The following GPM6B variants were observed in gnomAD, a reference collection of about 807,000 sequenced individuals.
The protein encoded by GPM6B is glycoprotein M6B, also known as neuronal membrane glycoprotein M6-b.
Under a neutral mutation model 27.2 loss-of-function variants are expected in GPM6B, and 4 were observed. That is an observed-to-expected ratio of 0.15 (90% CI 0.07 to 0.34). GPM6B has a LOEUF of 0.34. Among genes scored for constraint, GPM6B ranks in the 10% least tolerant of loss-of-function variants. The pLI is 1.00. For synonymous variants in GPM6B, 124 were observed against 103.1 expected (o/e 1.20, Z -1.23); for missense variants, 183 against 261.9 (o/e 0.70, Z 2.08).
At chrX:13,889,149 A>G in intron 1 of GPM6B, 1 of 110,809 alleles carries the variant, frequency 9.0e-6, no homozygotes, top group Middle Eastern at 4.6e-3. Flanking sequence ...GGCCATTAAT[A>G]ATTATAAAAC....
At chrX:13,839,515 C>A (rs16979308) in intron 1 of GPM6B, among the ~76,000 whole-genome samples, 1 of 111,641 alleles carries the variant, frequency 9.0e-6, no homozygotes, top group South Asian at 3.8e-4. Context: ...TTCAGCGATA[C>A]ACCACACTGG....
At chrX:13,843,142 GCTTTCTCCATAAACTTTCTA>G (rs936928086) in intron 1 of GPM6B, among the ~76,000 whole-genome samples, 9 of 112,093 alleles carry the variant, frequency 8.0e-5, no homozygotes, top group Non-Finnish European at 1.5e-4. Flanking sequence ...ACCATTAGGA[GCTTTCTCCATAAACTTTCTA>G]CTTTCTCCAT....
chrX:13,803,158 TGAGA>T (rs989014605), intron 2 of GPM6B, among the ~76,000 whole-genome samples: 23 of 111,221 alleles, frequency 2.1e-4, no homozygotes, highest in African/African-American at 7.2e-4. Context: ...AGCAGATCAG[TGAGA>T]GAGAAGTCCC....
At chrX:13,790,865 A>G (rs1192424409) in intron 2 of GPM6B, among the ~76,000 whole-genome samples, 1 of 93,561 alleles carries the variant, frequency 1.1e-5, no homozygotes, top group Non-Finnish European at 2.0e-5. Flanking sequence ...AGATTTCTAA[A>G]CACACACACT....
chrX:13,915,206 G>A (rs2050416149), intron 1 of GPM6B, among the ~76,000 whole-genome samples: 1 of 106,415 alleles, frequency 9.4e-6, no homozygotes. Flanking sequence ...ATCTGAGGCT[G>A]CAGAGAGCTG....
chrX:13,910,538 G>A (rs188515642), intron 1 of GPM6B, among the ~76,000 whole-genome samples: 1 of 113,376 alleles, frequency 8.8e-6, no homozygotes, highest in East Asian at 2.8e-4. Context: ...GGCCGCCTGT[G>A]CGGTATGACA....
intron 1 of GPM6B, among the ~76,000 whole-genome samples, chrX:13,866,971 A>C (rs950395244): frequency 2.0e-4 from 23 of 112,207 alleles, no homozygotes; most frequent in Non-Finnish European, 2.4e-4. Context: ...TAGAAGAGAC[A>C]ATTGAAGAAT....
intron 1 of GPM6B, among the ~76,000 whole-genome samples, chrX:13,930,669 G>A (rs1921465148): frequency 9.0e-6 from 1 of 110,893 alleles, no homozygotes; most frequent in Non-Finnish European, 1.9e-5. Context: ...ATAGATAACA[G>A]GATTAAACAG....
rs147504888 is a variant in GPM6B at position 13,889,503 on chromosome X, A to G, written c.-198+48824T>C. 6 of 111,677 alleles carry G rather than the reference A, an allele frequency of 5.4e-5. No individual in the cohort carries two copies. In the East Asian group the frequency reaches 1.7e-3, roughly 32 times the overall value. The allele number at this position is 111,677 out of a possible 1,213,427, so 9.2% of individuals were successfully genotyped here. A position where few individuals can be genotyped will look rare whatever the true frequency, so the allele number is the denominator to read the frequency against. On this transcript the variant is annotated intron_variant, in intron 1 of 6. Transcript: ENST00000398361. Reference sequence around the variant, plus strand: ...GAAAGGCATACTCAAATAATCACATAAATCCATGTGATTTCAAGCCACGGT... The same window carrying G: ...GAAAGGCATACTCAAATAATCACATGAATCCATGTGATTTCAAGCCACGGT...
intron 1 of GPM6B, among the ~76,000 whole-genome samples, chrX:13,888,634 A>G (rs949900578): frequency 2.7e-5 from 3 of 111,351 alleles, no homozygotes; most frequent in Non-Finnish European, 5.7e-5. Flanking sequence ...TATTCTATCC[A>G]TTTGGTTCCT....
At chrX:13,853,753 A>G (rs753830887) in intron 1 of GPM6B, among the ~76,000 whole-genome samples, 1 of 111,115 alleles carries the variant, frequency 9.0e-6, no homozygotes, top group South Asian at 3.9e-4. Context: ...CTGCCCAGAA[A>G]AGCTGGTTAG....
In GPM6B at chrX:13,837,724, G is replaced by GGGGGGGGGGGC. The variant is rs1555918783; in HGVS notation, c.-197-51917_-197-51916insGCCCCCCCCCC. 3.3e-4 allele frequency among the ~76,000 whole-genome samples: 11 copies of GGGGGGGGGGGC among 32,883 alleles called. 4 individuals are homozygous for GGGGGGGGGGGC. The highest frequency in any genetic ancestry group is 5.7e-4 in the Non-Finnish European group (7 of 12,307). 28.6% of individuals were successfully genotyped at this position (32,883 alleles called of 115,157 possible). On this transcript the variant is annotated intron_variant, in intron 1 of 6. Coordinates refer to the GPM6B transcript ENST00000398361. ...AAGCAAGTTGGTGGGGGGGGGGGGGGGGGGAAGCAGAGGGGAAAGCAAAGC... is the reference window on the plus strand; with the variant it reads ...AAGCAAGTTGGTGGGGGGGGGGGGGGGGGGGGGGGGCGGGGAAGCAGAGGGGAAAGCAAAGC...
chrX:13,878,543 C>A (rs2050063406), intron 1 of GPM6B, among the ~76,000 whole-genome samples: 2 of 111,703 alleles, frequency 1.8e-5, no homozygotes. Flanking sequence ...GGAGAGCCTT[C>A]AATAATTTTT....
intron 1 of GPM6B, among the ~76,000 whole-genome samples, chrX:13,842,496 T>C (rs771942063): frequency 7.7e-4 from 86 of 111,518 alleles, no homozygotes; most frequent in Non-Finnish European, 1.3e-3. Context: ...CAGGGGCCCC[T>C]AATGACCTCC....
At chrX:13,918,950 G>A (rs371092549) in intron 1 of GPM6B, among the ~76,000 whole-genome samples, 8 of 111,804 alleles carry the variant, frequency 7.2e-5, no homozygotes, top group East Asian at 2.8e-4. Context: ...AGATTTGGGC[G>A]GGGATACACA....
At chrX:13,911,316 T>C (rs1242411337) in intron 1 of GPM6B, among the ~76,000 whole-genome samples, 2 of 111,979 alleles carry the variant, frequency 1.8e-5, no homozygotes, top group East Asian at 2.8e-4. Context: ...CAAATTAGAA[T>C]AGAGTCATCT....
intron 1 of GPM6B, among the ~76,000 whole-genome samples, chrX:13,865,559 A>AAAAAAAAAAAGAAAG (rs34662549): frequency 9.4e-5 from 5 of 52,924 alleles, no homozygotes; most frequent in African/African-American, 1.9e-4. Context: ...AAAAAAAAAA[A>AAAAAAAAAAAGAAAG]AAAGAAAGAA....
intron 2 of GPM6B, among the ~76,000 whole-genome samples, chrX:13,789,846 T>G (rs1244934442): frequency 9.0e-6 from 1 of 110,703 alleles, no homozygotes; most frequent in East Asian, 2.8e-4. Flanking sequence ...GTTTTTTTTT[T>G]GTTTTGTTTT....
intron 1 of GPM6B, among the ~76,000 whole-genome samples, chrX:13,905,128 G>C (rs1315097450): frequency 9.4e-6 from 1 of 105,910 alleles, no homozygotes; most frequent in Non-Finnish European, 1.9e-5. Context: ...CTACTCGAGA[G>C]ACTAAGGTAA....
Sources: allele counts gnomAD v4.1 joint callset (sites outside exome capture counted in the v4.1 genomes callset), GRCh38; gene constraint gnomAD v4.1.1; transcripts MANE v1.5; gene names NCBI Gene and HGNC (gene_info 2026-07-23, HGNC 2026-07-21).